The following HAPSTR1 variants were observed in gnomAD, a reference collection of about 807,000 sequenced individuals.
HAPSTR1 encodes HUWE1 associated protein modifying stress responses.
At chr16:9,117,105 A>AG in the HAPSTR1 span, 1 of 751,976 alleles carries the variant, frequency 1.3e-6, no homozygotes, top group Non-Finnish European at 2.1e-6. Context: ...GGCTTTCTTA[A>AG]AACTATAATC....
At chr16:9,093,148 G>C in the HAPSTR1 span, 3 of 812,138 alleles carry the variant, frequency 3.7e-6, no homozygotes, top group Non-Finnish European at 3.9e-6. Flanking sequence ...CGGTGCTCTA[G>C]CTAGATCCAC....
chr16:9,091,918 G>T, the HAPSTR1 span: 1 of 791,648 alleles, frequency 1.3e-6, no homozygotes, highest in African/African-American at 1.8e-5. Context: ...CTGGGCCGCT[G>T]AAAGGAGAAG....
the HAPSTR1 span, among the ~76,000 whole-genome samples, chr16:9,094,238 C>T: frequency 7.2e-5 from 11 of 152,158 alleles, no homozygotes; most frequent in Middle Eastern, 3.4e-3. Context: ...ATAGTCCAGT[C>T]TTACTGAAAA....
the HAPSTR1 span, chr16:9,119,186 C>T: frequency 2.2e-4 from 33 of 152,512 alleles, no homozygotes; most frequent in African/African-American, 6.5e-4. Context: ...CTTTCCCCGA[C>T]GCACAGAATA....
chr16:9,092,274 AGGCCGCCGCCGCCATCTTGGTACCGCTT>A, the HAPSTR1 span: 35 of 1,530,494 alleles, frequency 2.3e-5, no homozygotes, highest in African/African-American at 1.1e-4. Flanking sequence ...TACAAAGGTG[AGGCCGCCGCCGCCATCTTGGTACCGCTT>A]GGCCGCCCCC....
chr16:9,102,026 C>T, the HAPSTR1 span, among the ~76,000 whole-genome samples: 1 of 152,178 alleles, frequency 6.6e-6, no homozygotes, highest in Non-Finnish European at 1.5e-5. Context: ...GAGGCTGAAG[C>T]AGGAGAACCC....
At chr16:9,113,163 T>C in the HAPSTR1 span, 1 of 152,080 alleles carries the variant, frequency 6.6e-6, no homozygotes, top group African/African-American at 2.4e-5. Flanking sequence ...TAAAATAAAA[T>C]TTGGGCTGTC....
the HAPSTR1 span, among the ~76,000 whole-genome samples, chr16:9,102,605 T>G: frequency 6.6e-6 from 1 of 152,246 alleles, no homozygotes; most frequent in South Asian, 2.1e-4. Context: ...GGAATGTATC[T>G]CCACAATGAC....
At chr16:9,119,696 C>A in the HAPSTR1 span, 4 of 152,180 alleles carry the variant, frequency 2.6e-5, no homozygotes, top group Non-Finnish European at 4.4e-5. Context: ...AACAAAAAAA[C>A]CATGGGGCTT....
the HAPSTR1 span, chr16:9,092,844 C>A: frequency 7.2e-7 from 1 of 1,395,102 alleles, no homozygotes; most frequent in Admixed American, 2.3e-5. Flanking sequence ...AAATAACATT[C>A]TTGTTCTCTT....
the HAPSTR1 span, among the ~76,000 whole-genome samples, chr16:9,113,965 G>T: frequency 1.3e-5 from 2 of 152,152 alleles, no homozygotes; most frequent in African/African-American, 4.8e-5. Context: ...AACATGAGGG[G>T]GTAGGACTTT....
At chr16:9,092,074 C>T in the HAPSTR1 span, 851 of 1,536,188 alleles carry the variant, frequency 5.5e-4, 1 homozygote, top group Non-Finnish European at 7.0e-4. Context: ...AGGGCGAGGC[C>T]GAGATCCAGG....
At chr16:9,106,822 A>T in the HAPSTR1 span, 49 of 152,250 alleles carry the variant, frequency 3.2e-4, no homozygotes, top group African/African-American at 1.1e-3. Context: ...CATTATTATA[A>T]ATTTCCCAAG....
At chr16:9,112,329 G>T in the HAPSTR1 span, 1 of 152,184 alleles carries the variant, frequency 6.6e-6, no homozygotes, top group Admixed American at 6.5e-5. Context: ...AGGGCCCCCG[G>T]TCAGGATATT....
At chr16:9,113,934 C>G in the HAPSTR1 span, among the ~76,000 whole-genome samples, 9 of 152,200 alleles carry the variant, frequency 5.9e-5, no homozygotes, top group South Asian at 1.9e-3. Context: ...AACAGTTGAA[C>G]CTTTGATTTC....
the HAPSTR1 span, among the ~76,000 whole-genome samples, chr16:9,096,139 A>G: frequency 6.6e-6 from 1 of 152,164 alleles, no homozygotes; most frequent in African/African-American, 2.4e-5. Context: ...GTGTTAATTC[A>G]CCATTGTGCT....
the HAPSTR1 span, among the ~76,000 whole-genome samples, chr16:9,113,664 T>C: frequency 2.6e-5 from 4 of 152,194 alleles, no homozygotes; most frequent in South Asian, 8.3e-4. Context: ...GTGCCCATAT[T>C]TTGCCATAAT....
chr16:9,092,847 GTTCTCTTTCT>G, the HAPSTR1 span: 4 of 1,401,360 alleles, frequency 2.9e-6, no homozygotes, highest in East Asian at 2.4e-5. Context: ...TAACATTCTT[GTTCTCTTTCT>G]TTCTCTTTCT....
chr16:9,093,842 AT>A, the HAPSTR1 span, among the ~76,000 whole-genome samples: 265 of 145,944 alleles, frequency 1.8e-3, no homozygotes, highest in Middle Eastern at 0.018. Context: ...TTTGGGGTTG[AT>A]TTTTTTTTTT....
Sources: gnomAD v4.1 joint callset for allele counts (sites outside exome capture counted in the v4.1 genomes callset) on GRCh38, gnomAD v4.1.1 for gene constraint, MANE v1.5 for transcripts, NCBI Gene and HGNC (gene_info 2026-07-23, HGNC 2026-07-21) for gene names.